The following STK32B variants were observed in gnomAD, a reference collection of about 807,000 sequenced individuals.
STK32B encodes the protein serine/threonine kinase 32B.
STK32B carries 43 observed loss-of-function variants against 52.6 expected under a neutral mutation model. The ratio of observed to expected loss-of-function variants is 0.82; its 90% confidence interval spans 0.64 to 1.05. STK32B has a LOEUF of 1.05. STK32B is among the 50% of genes least tolerant of loss of function. The pLI, the probability that STK32B is intolerant of heterozygous loss-of-function variation, is 0.00. For missense variants in STK32B, 621 were observed against 534.6 expected, an observed-to-expected ratio of 1.16 and a Z score of -1.59; for synonymous variants, 238 against 204.3, an observed-to-expected ratio of 1.17 and a Z score of -1.41.
At chr4:5,444,719 C>T (rs1179113662) in intron 6 of STK32B, among the ~76,000 whole-genome samples, 1 of 152,204 alleles carries the variant, frequency 6.6e-6, no homozygotes, top group Non-Finnish European at 1.5e-5. Context: ...TCCTGCTAAA[C>T]TCTTAGTATA....
At chr4:5,413,822 A>G (rs1001157884) in intron 5 of STK32B, among the ~76,000 whole-genome samples, 1 of 152,212 alleles carries the variant, frequency 6.6e-6, no homozygotes, top group Non-Finnish European at 1.5e-5. Flanking sequence ...CTCACCATAT[A>G]ACTTGCAAAA....
At chr4:5,299,850 T>G (rs541427589) in intron 3 of STK32B, among the ~76,000 whole-genome samples, 10 of 152,326 alleles carry the variant, frequency 6.6e-5, no homozygotes. Context: ...ACAGCCAAAT[T>G]CTACCAGATG....
At chr4:5,403,455 G>C (rs1394816600) in intron 5 of STK32B, among the ~76,000 whole-genome samples, 3 of 152,122 alleles carry the variant, frequency 2.0e-5, no homozygotes, top group Non-Finnish European at 4.4e-5. Context: ...GAGCGGCCCT[G>C]ATGCTTCCCT....
At chr4:5,117,456 A>G (rs1164310306) in intron 1 of STK32B, among the ~76,000 whole-genome samples, 3 of 152,162 alleles carry the variant, frequency 2.0e-5, no homozygotes, top group Admixed American at 1.3e-4. Flanking sequence ...ACTCCAGATG[A>G]GAAAAAGTAA....
the STK32B span, among the ~76,000 whole-genome samples, chr4:5,036,092 C>T: frequency 6.6e-5 from 10 of 152,004 alleles, no homozygotes; most frequent in South Asian, 2.1e-4. Context: ...AAAAAAAAAA[C>T]TTTAATGCTT....
chr4:5,077,862 C>T (rs958920305), intron 1 of STK32B, among the ~76,000 whole-genome samples: 2 of 152,110 alleles, frequency 1.3e-5, no homozygotes, highest in African/African-American at 2.4e-5. Context: ...ATGCTTTTGT[C>T]TTCAGGTAAT....
intron 1 of STK32B, among the ~76,000 whole-genome samples, chr4:5,138,837 C>T (rs556270135): frequency 5.4e-4 from 82 of 152,200 alleles, no homozygotes; most frequent in Middle Eastern, 3.4e-3. Context: ...GCACTCAAGG[C>T]CTGGGAGTAG....
intron 4 of STK32B, among the ~76,000 whole-genome samples, chr4:5,361,813 G>A (rs964600427): frequency 2.0e-5 from 3 of 152,220 alleles, no homozygotes; most frequent in African/African-American, 7.2e-5. Flanking sequence ...GACATACATA[G>A]CGGGTATTCT....
intron 3 of STK32B, among the ~76,000 whole-genome samples, chr4:5,202,515 T>C (rs1722232731): frequency 6.6e-6 from 1 of 152,266 alleles, no homozygotes; most frequent in African/African-American, 2.4e-5. Flanking sequence ...GTGGGGACTC[T>C]GTGAGAGGGT....
At chr4:5,114,694 C>T (rs1274636266) in intron 1 of STK32B, among the ~76,000 whole-genome samples, 1 of 152,196 alleles carries the variant, frequency 6.6e-6, no homozygotes, top group Non-Finnish European at 1.5e-5. Flanking sequence ...TTTCAAACAA[C>T]TCGCTCCCGT....
At chr4:5,335,219 T>G (rs949287692) in intron 4 of STK32B, among the ~76,000 whole-genome samples, 2 of 152,220 alleles carry the variant, frequency 1.3e-5, no homozygotes, top group African/African-American at 4.8e-5. Context: ...GGTGTATGTG[T>G]CGAGGAATTT....
At chr4:5,484,852 T>C (rs529687083) in intron 11 of STK32B, among the ~76,000 whole-genome samples, 11 of 152,310 alleles carry the variant, frequency 7.2e-5, no homozygotes, top group African/African-American at 2.2e-4. Context: ...TTATGAAGCA[T>C]AGTTTGGCTG....
At chr4:5,320,666 A>G (rs1193173591) in intron 3 of STK32B, among the ~76,000 whole-genome samples, 1 of 152,180 alleles carries the variant, frequency 6.6e-6, no homozygotes, top group African/African-American at 2.4e-5. Context: ...TGCGTCTTAG[A>G]CACTGCTGAG....
chr4:5,380,271 G>A lies in STK32B; in HGVS notation c.435-17936G>A, dbSNP rs116695719. 3.0e-3 allele frequency among the ~76,000 whole-genome samples: 456 copies of A among 152,138 alleles called. 4 individuals are homozygous for A. The highest frequency in any genetic ancestry group is 0.01 in the African/African-American group (424 of 41,518). ...AGAGCAACCCCATCCCCATGGCCAC[G>A]CACACCCTGATCTATTTAATCCAGG... On this transcript the variant is annotated intron_variant, in intron 4 of 11. Coordinates refer to ENST00000282908, the MANE Select transcript of STK32B (RefSeq NM_018401.3). The surrounding 1 kb of genome is among the most constrained non-coding windows in gnomAD (Gnocchi z 4.3).
intron 1 of STK32B, among the ~76,000 whole-genome samples, chr4:5,053,710 C>T (rs1388034239): frequency 1.3e-5 from 2 of 152,108 alleles, no homozygotes; most frequent in East Asian, 1.9e-4. Flanking sequence ...AGGCCGGGCG[C>T]GGTGGCTCAT....
At position 5,051,593 on chromosome 4, in the gene STK32B, A is replaced by C. The variant is rs1741782278; in HGVS notation, c.-271A>C. 5 of 427,690 alleles carry C rather than the reference A, an allele frequency of 1.2e-5. No individual in the cohort carries two copies. The highest frequency in any genetic ancestry group is 1.2e-5 in the Non-Finnish European group (3 of 244,240). 26.5% of individuals were successfully genotyped at this position (427,690 alleles called of 1,614,324 possible). A position where few individuals can be genotyped will look rare whatever the true frequency, so the allele number is the denominator to read the frequency against. On this transcript the variant is annotated 5_prime_UTR_variant, in exon 1 of 12. Transcript: ENST00000282908. ...GGAGCTCCCGGGTTCCCGGGCGGGC[A>C]CTGGAGTAAGGAGCTGCGAGCGCAG...
At chr4:5,203,026 C>A (rs981060394) in intron 3 of STK32B, among the ~76,000 whole-genome samples, 1 of 152,166 alleles carries the variant, frequency 6.6e-6, no homozygotes, top group South Asian at 2.1e-4. Flanking sequence ...AGATGGGAAA[C>A]CTGAAATGAA....
intron 5 of STK32B, among the ~76,000 whole-genome samples, chr4:5,409,389 C>T (rs1183318705): frequency 6.6e-6 from 1 of 151,904 alleles, no homozygotes; most frequent in Non-Finnish European, 1.5e-5. Flanking sequence ...CAAAGTGTTA[C>T]TAATTGTGAT....
intron 4 of STK32B, among the ~76,000 whole-genome samples, chr4:5,358,718 C>T (rs1163900487): frequency 6.8e-6 from 1 of 146,082 alleles, no homozygotes; most frequent in Non-Finnish European, 1.5e-5. Context: ...CACACACACA[C>T]ACACAGGCAC....
Sources: gnomAD v4.1 joint callset for allele counts (sites outside exome capture counted in the v4.1 genomes callset) on GRCh38, gnomAD v4.1.1 for gene constraint, Gnocchi (gnomAD v3.1) non-coding constraint, MANE v1.5 for transcripts, NCBI Gene and HGNC (gene_info 2026-07-23, HGNC 2026-07-21) for gene names.